GRIK2: variants seen among roughly 807,000 people sequenced by gnomAD.
The protein encoded by GRIK2 is glutamate ionotropic receptor kainate type subunit 2, also known as glutamate receptor ionotropic, kainate 2.
GRIK2 carries 32 observed loss-of-function variants against 100.3 expected under a neutral mutation model. The ratio of observed to expected loss-of-function variants is 0.32; its 90% CI spans 0.24 to 0.43. The LOEUF is 0.43. Among genes scored for constraint, GRIK2 ranks in the 20% least tolerant of loss-of-function variants. The probability of loss-of-function intolerance (pLI) is 1.00; values close to 1 mark genes in which losing one functional copy is unlikely to be tolerated. For synonymous variants in GRIK2, 417 were observed against 389.4 expected (o/e 1.07, Z -0.83); for missense variants, 843 against 1,114.9 (o/e 0.76, Z 3.47).
intron 14 of GRIK2, among the ~76,000 whole-genome samples, chr6:102,030,112 A>G (rs1228361368): frequency 6.6e-6 from 1 of 151,294 alleles, no homozygotes; most frequent in Non-Finnish European, 1.5e-5. Context: ...CAAATGCTGC[A>G]TGATCTCACT....
In GRIK2 at chr6:101,601,896, A is replaced by AT. The variant is rs546004106; in HGVS notation, c.116-20047dup. ...AAGGGACCAAATTTTAGTTTTATTG[A>AT]TTTTTTATGTATGGGCTTTGGGTCT... On this transcript the variant is annotated intron_variant, in intron 2 of 16. Transcript: ENST00000369134. 1.5e-3 allele frequency among the ~76,000 whole-genome samples: 228 copies of AT among 151,534 alleles called. 1 individual carries two copies. Among genetic ancestry groups the AT allele is most frequent in the African/African-American group, 5.3e-3 (220 of 41,420 alleles).
chr6:101,441,662 G>A (rs1770069997), intron 2 of GRIK2, among the ~76,000 whole-genome samples: 2 of 152,078 alleles, frequency 1.3e-5, no homozygotes, highest in African/African-American at 4.8e-5. Context: ...TTAGGTTCCA[G>A]GGGTATGTGT....
At chr6:101,414,553 G>A (rs891499079) in intron 2 of GRIK2, among the ~76,000 whole-genome samples, 2 of 152,136 alleles carry the variant, frequency 1.3e-5, no homozygotes, top group African/African-American at 4.8e-5. Flanking sequence ...CTGCAGATTT[G>A]GGTATTTCAG....
At chr6:101,723,409 A>G (rs932959403) in intron 7 of GRIK2, among the ~76,000 whole-genome samples, 3 of 152,074 alleles carry the variant, frequency 2.0e-5, no homozygotes, top group African/African-American at 7.2e-5. Context: ...TAAAAATAAA[A>G]GAAAATTAGA....
intron 2 of GRIK2, among the ~76,000 whole-genome samples, chr6:101,588,083 TA>T (rs1480321055): frequency 3.3e-5 from 5 of 152,102 alleles, no homozygotes; most frequent in East Asian, 1.9e-4. Context: ...CTCTTTGTGT[TA>T]GGGGGCAAAA....
chr6:101,809,446 G>A (rs1440752608), intron 9 of GRIK2, among the ~76,000 whole-genome samples: 1 of 151,908 alleles, frequency 6.6e-6, no homozygotes, highest in Admixed American at 6.6e-5. Context: ...TGCCTGAATG[G>A]AATTTAAATT....
intron 14 of GRIK2, among the ~76,000 whole-genome samples, chr6:101,955,563 A>C (rs1248425947): frequency 7.4e-6 from 1 of 135,562 alleles, no homozygotes. Flanking sequence ...AGCCTGAGCA[A>C]CAGAGCAAGG....
Position 101,842,995 on chromosome 6 carries a change from G to T in GRIK2, c.1318-16292G>T, listed in dbSNP as rs565372961. Among the ~76,000 whole-genome samples the T allele has an allele frequency of 2.6e-5, 4 of 152,234 alleles. No homozygotes were observed. The South Asian group carries it at 8.3e-4, about 32-fold the overall frequency. ...AATGTTCAGTGAATTAAAAGAAATA[G>T]AATTCTAGTCATTGAAAACTCCACC... On this transcript the variant is annotated intron_variant, in intron 10 of 16. Transcript: ENST00000369134.
At chr6:101,783,184 C>T (rs2128402884) in intron 7 of GRIK2, among the ~76,000 whole-genome samples, 1 of 152,096 alleles carries the variant, frequency 6.6e-6, no homozygotes, top group South Asian at 2.1e-4. Context: ...ATTTTAATTC[C>T]CACATGACAA....
rs377504209 is a variant in GRIK2, at chr6:101,399,342, G to A, written c.65G>A (p.Cys22Tyr). ...AGGCGCACCGTTAAACTCCTGCTCTGTTTACTGTGGATTGGATATTCTCAA... is the reference window on the plus strand; with the variant it reads ...AGGCGCACCGTTAAACTCCTGCTCTATTTACTGTGGATTGGATATTCTCAA... ...VFRRTVKLLL[C>Y]LLWIGYSQGT... The change falls in exon 2 of 17, where the codon TGT (cysteine) becomes TAT (tyrosine). Residue 22 changes from cysteine (C) to tyrosine (Y), a missense_variant. This residue lies in a region of GRIK2 where 519 missense variants were observed against 643.8 expected (regional missense o/e 0.81). Transcript: ENST00000369134. 2 of 1,594,630 alleles carry A rather than the reference G, an allele frequency of 1.3e-6. No homozygotes were observed. The highest frequency in any genetic ancestry group is 2.7e-5 in the African/African-American group (2 of 74,472).
intron 2 of GRIK2, among the ~76,000 whole-genome samples, chr6:101,568,221 A>G (rs1016495182): frequency 4.0e-5 from 6 of 151,896 alleles, no homozygotes; most frequent in African/African-American, 1.4e-4. Context: ...AGCTCTCTGT[A>G]CTGTACTATA....
At chr6:101,958,219 C>T (rs551650861) in intron 14 of GRIK2, among the ~76,000 whole-genome samples, 2 of 125,058 alleles carry the variant, frequency 1.6e-5, no homozygotes, top group East Asian at 2.4e-4. Flanking sequence ...TTTTAGAGAG[C>T]TTTACCTACT....
intron 2 of GRIK2, among the ~76,000 whole-genome samples, chr6:101,433,409 T>C (rs1769530942): frequency 6.6e-6 from 1 of 152,170 alleles, no homozygotes. Context: ...AATTTCTTCA[T>C]CTATAAAAAT....
chr6:101,700,915 G>A (rs935536947), intron 7 of GRIK2, among the ~76,000 whole-genome samples: 25 of 152,234 alleles, frequency 1.6e-4, no homozygotes, highest in Admixed American at 4.6e-4. Context: ...AGGATAGTAC[G>A]GAGACAAAAG....
intron 14 of GRIK2, among the ~76,000 whole-genome samples, chr6:102,020,069 G>A (rs949297525): frequency 8.6e-5 from 13 of 151,946 alleles, no homozygotes; most frequent in African/African-American, 2.7e-4. Flanking sequence ...ACTATATTGT[G>A]TAGAAATAAT....
intron 14 of GRIK2, among the ~76,000 whole-genome samples, chr6:101,958,815 T>C (rs948934321): frequency 3.3e-5 from 5 of 152,166 alleles, no homozygotes; most frequent in Non-Finnish European, 7.4e-5. Flanking sequence ...TCTGTTTATG[T>C]GGTGAATCAC....
chr6:101,927,379 TA>T, intron 13 of GRIK2: 1 of 340,450 alleles, frequency 2.9e-6, no homozygotes, highest in Non-Finnish European at 4.2e-6. Context: ...CAAACACAAA[TA>T]AAATTAAGTA....
chr6:101,676,625 CTCAT>C lies in GRIK2; in HGVS notation c.547_550del (p.Ile183ValfsTer32). The C allele has an allele frequency of 6.7e-7, 1 of 1,500,450 alleles. No homozygotes were observed. Among genetic ancestry groups the C allele is most frequent in the Non-Finnish European group, 8.9e-7 (1 of 1,118,204 alleles). The allele number at this position is 1,500,450 out of a possible 1,614,324, so 92.9% of individuals were successfully genotyped here. ...TTTTTTTTCCATTTTAATTAAAGGT[CTCAT>C]TCGTTTGCAAGAGCTCATCAAAGCT... On this transcript the variant is annotated frameshift_variant, in exon 5 of 17. Coordinates refer to ENST00000369134, the MANE Select transcript of GRIK2 (RefSeq NM_021956.5). LOFTEE classifies it high-confidence loss of function.
chr6:101,621,932 C>T lies in GRIK2; in HGVS notation c.116-17C>T, dbSNP rs780666228. ...TATTCTTGTAAAATTTATGATTTTT[C>T]TCTTTCTTTTTGCCAGGTGGTATTT... On this transcript the variant is annotated splice_polypyrimidine_tract_variant and intron_variant, in intron 2 of 16. Transcript: ENST00000369134. 2.2e-5 allele frequency: 35 copies of T among 1,557,948 alleles called. No individual in the cohort carries two copies. The Admixed American group carries it at 5.5e-4, about 24-fold the overall frequency.
Sources: gnomAD v4.1 joint callset for allele counts (sites outside exome capture counted in the v4.1 genomes callset) on GRCh38, gnomAD v4.1.1 for gene constraint, gnomAD v4.1.1 regional missense constraint, MANE v1.5 for transcripts, NCBI Gene and HGNC (gene_info 2026-07-23, HGNC 2026-07-21) for gene names.